ITPK1: variants seen among roughly 807,000 people sequenced by gnomAD.
ITPK1 encodes the protein inositol-tetrakisphosphate 1-kinase, also known as inositol 1,3,4-trisphosphate 5/6-kinase.
ITPK1 carries 21 observed loss-of-function variants against 45.3 expected under a neutral mutation model. That is an observed-to-expected ratio of 0.46 (90% CI 0.33 to 0.67). The LOEUF (loss-of-function observed/expected upper bound fraction) is 0.67, where lower values mean the gene tolerates loss of function less well. ITPK1 is among the 30% of genes least tolerant of loss of function. The probability of loss-of-function intolerance (pLI) is 0.02; values close to 1 mark genes in which losing one functional copy is unlikely to be tolerated. For synonymous variants in ITPK1, 258 were observed against 253.6 expected (o/e 1.02, Z -0.16); for missense variants, 474 against 573.5 (o/e 0.83, Z 1.77).
At chr14:93,018,504 GA>G (rs1301220946) in intron 3 of ITPK1, among the ~76,000 whole-genome samples, 1 of 152,028 alleles carries the variant, frequency 6.6e-6, no homozygotes, top group Admixed American at 6.6e-5. Context: ...TGTTTGCCAG[GA>G]AAGATGTTAA....
At chr14:93,030,998 G>C (rs1256368250) in intron 3 of ITPK1, among the ~76,000 whole-genome samples, 1 of 152,224 alleles carries the variant, frequency 6.6e-6, no homozygotes, top group Admixed American at 6.5e-5. Context: ...CCAGCAGGGA[G>C]AGATGGCTGG....
In ITPK1 at chr14:92,989,494, T is replaced by C. The variant is rs188617027; in HGVS notation, c.364+4386A>G. ...TACGGCCCAGGTGCCTTCTCATACA[T>C]GGTGCCTTCTCAGCCAGTTTGGGAG... On this transcript the variant is annotated intron_variant, in intron 5 of 10. Coordinates refer to ENST00000267615, the MANE Select transcript of ITPK1 (RefSeq NM_014216.6). Among the ~76,000 whole-genome samples the C allele has an allele frequency of 2.6e-5, 4 of 152,280 alleles. No individual in the cohort carries two copies. The East Asian group carries it at 7.7e-4, about 29-fold the overall frequency.
intron 4 of ITPK1, among the ~76,000 whole-genome samples, chr14:92,996,272 T>C (rs1764142185): frequency 6.6e-6 from 1 of 152,040 alleles, no homozygotes; most frequent in Non-Finnish European, 1.5e-5. Flanking sequence ...AAAATAAATG[T>C]CAACATTAAA....
At chr14:93,040,179 G>A (rs553543310) in intron 3 of ITPK1, among the ~76,000 whole-genome samples, 3 of 152,350 alleles carry the variant, frequency 2.0e-5, no homozygotes, top group Admixed American at 6.5e-5. Flanking sequence ...ATTTCTCTGG[G>A]AGGAGAAGCA....
At chr14:92,950,790 G>A (rs925058951) in intron 9 of ITPK1, among the ~76,000 whole-genome samples, 8 of 152,356 alleles carry the variant, frequency 5.3e-5, no homozygotes, top group South Asian at 2.1e-4. Flanking sequence ...GAAGAAAGCC[G>A]TCTCTTGCAC....
At position 93,058,261 on chromosome 14, in the gene ITPK1, G is replaced by T. The variant is rs1890293254; in HGVS notation, c.120+18334C>A. The stretch of plus-strand genomic sequence containing the variant: ...GCATCTGGGAGGGCCAGTCTGGAAG[G>T]TCGAAGCCAGAGTGGCCATGCGGGA... On this transcript the variant is annotated intron_variant, in intron 3 of 10. Transcript: ENST00000267615. 5.3e-5 allele frequency among the ~76,000 whole-genome samples: 8 copies of T among 151,248 alleles called. No individual in the cohort carries two copies. The South Asian group carries it at 1.5e-3, about 28-fold the overall frequency.
Position 92,958,159 on chromosome 14 carries a change from CCT to C in ITPK1, c.670+40_670+41del, listed in dbSNP as rs771326137. On this transcript the variant is annotated intron_variant, in intron 8 of 10. Coordinates refer to ENST00000267615, the MANE Select transcript of ITPK1 (RefSeq NM_014216.6). This position sits in a 1 kb window ranked among gnomAD's most constrained non-coding sequence, Gnocchi z 4.4. ...GCTGCTGCCACATCCCAGCTGGGCC[CCT>C]GAGTCTTGCTCAGCCCAAGATGGTG... 5.0e-6 allele frequency: 8 copies of C among 1,604,780 alleles called. No individual in the cohort carries two copies. The South Asian group carries it at 6.6e-5, about 13-fold the overall frequency.
At chr14:92,948,343 G>A (rs1045748689) in intron 9 of ITPK1, among the ~76,000 whole-genome samples, 4 of 152,182 alleles carry the variant, frequency 2.6e-5, no homozygotes, top group African/African-American at 4.8e-5. Context: ...TCTTATGTAT[G>A]TGAATTTACC....
At position 93,063,080 on chromosome 14, in the gene ITPK1, C is replaced by G. The variant is rs751831312; in HGVS notation, c.120+13515G>C. ...CCCACCCCACCCCCATCTCCCATCTCTCTCCCACGCCAGACCCTTCTCCAA... is the reference window on the plus strand; with the variant it reads ...CCCACCCCACCCCCATCTCCCATCTGTCTCCCACGCCAGACCCTTCTCCAA... On this transcript the variant is annotated intron_variant, in intron 3 of 10. Transcript: ENST00000267615. This position sits in a 1 kb window ranked among gnomAD's most constrained non-coding sequence, Gnocchi z 4.3. 2.2e-4 allele frequency among the ~76,000 whole-genome samples: 34 copies of G among 152,188 alleles called. No individual in the cohort carries two copies. The highest frequency in any genetic ancestry group is 3.7e-4 in the Non-Finnish European group (25 of 68,032).
Position 92,937,496 on chromosome 14 carries a change from T to C in ITPK1, c.*4065A>G, listed in dbSNP as rs1887178466. The C allele has an allele frequency of 6.6e-6, 1 of 151,412 alleles. No homozygotes were observed. The highest frequency in any genetic ancestry group is 1.5e-5 in the Non-Finnish European group (1 of 67,922). 9.4% of individuals were successfully genotyped at this position (151,412 alleles called of 1,614,324 possible). On this transcript the variant is annotated 3_prime_UTR_variant, in exon 11 of 11. Transcript: ENST00000267615. Reference sequence around the variant, plus strand: ...TGTAATCATTTCTGAAAAGGGGGGGTCTGGGTGCTCCTGCGGGTGAGAATC... The same window carrying C: ...TGTAATCATTTCTGAAAAGGGGGGGCCTGGGTGCTCCTGCGGGTGAGAATC...
intron 4 of ITPK1, among the ~76,000 whole-genome samples, chr14:93,015,891 C>T (rs1310658448): frequency 1.3e-5 from 2 of 152,184 alleles, no homozygotes; most frequent in Non-Finnish European, 2.9e-5. Flanking sequence ...AAGCAGGGCA[C>T]CAAATCTGCG....
At chr14:93,026,449 A>G (rs558463530) in intron 3 of ITPK1, among the ~76,000 whole-genome samples, 13 of 152,276 alleles carry the variant, frequency 8.5e-5, no homozygotes, top group Non-Finnish European at 1.6e-4. Context: ...CTACATTATG[A>G]TAACCATGTT....
chr14:93,013,618 C>A (rs1888027225), intron 4 of ITPK1, among the ~76,000 whole-genome samples: 1 of 152,210 alleles, frequency 6.6e-6, no homozygotes, highest in South Asian at 2.1e-4. Flanking sequence ...CAAGCTGAGT[C>A]CCTGCTGGGG....
chr14:93,083,624 T>C (rs1034591943), intron 2 of ITPK1, among the ~76,000 whole-genome samples: 12 of 152,168 alleles, frequency 7.9e-5, no homozygotes, highest in African/African-American at 1.4e-4. Flanking sequence ...CCCCAAGTTA[T>C]GGTCCCCTTT....
At chr14:93,044,378 C>T (rs910777113) in intron 3 of ITPK1, among the ~76,000 whole-genome samples, 11 of 152,204 alleles carry the variant, frequency 7.2e-5, no homozygotes, top group Admixed American at 1.3e-4. Flanking sequence ...GAAATCCAGA[C>T]ACAAGGAAGG....
chr14:92,970,638 AT>A (rs796634667), intron 5 of ITPK1, among the ~76,000 whole-genome samples: 305 of 143,584 alleles, frequency 2.1e-3, no homozygotes, highest in Admixed American at 2.3e-3. Flanking sequence ...TCGCAGCATC[AT>A]TTTTTTTTTT....
chr14:93,019,413 C>T (rs542222345), intron 3 of ITPK1, among the ~76,000 whole-genome samples: 8 of 152,352 alleles, frequency 5.3e-5, no homozygotes, highest in East Asian at 3.9e-4. Flanking sequence ...TCCGCATCCC[C>T]GGCGCTCCAC....
intron 2 of ITPK1, among the ~76,000 whole-genome samples, chr14:93,112,115 G>A (rs916356594): frequency 7.2e-5 from 11 of 151,966 alleles, no homozygotes; most frequent in Admixed American, 7.2e-4. Context: ...GTGTCCTGGG[G>A]GCTAAATAGC....
At chr14:92,957,487 G>A (rs1284480900) in intron 8 of ITPK1, among the ~76,000 whole-genome samples, 1 of 152,198 alleles carries the variant, frequency 6.6e-6, no homozygotes, top group Non-Finnish European at 1.5e-5. Flanking sequence ...AGAGGGCGGT[G>A]AGCAGCTGGC....
Sources: allele counts gnomAD v4.1 joint callset (sites outside exome capture counted in the v4.1 genomes callset), GRCh38; gene constraint gnomAD v4.1.1; non-coding constraint Gnocchi (gnomAD v3.1); transcripts MANE v1.5; gene names NCBI Gene and HGNC (gene_info 2026-07-23, HGNC 2026-07-21).